The following ELMO1 variants were observed in gnomAD, a reference collection of about 807,000 sequenced individuals.
ELMO1 encodes engulfment and cell motility protein 1.
In ELMO1, 26 loss-of-function variants were observed where a neutral mutation model predicts 98.9. The ratio of observed to expected loss-of-function variants is 0.26; its 90% CI spans 0.19 to 0.36. The LOEUF is 0.36. Ranked by LOEUF, ELMO1 falls within the 10% of genes least tolerant of loss-of-function variation. ELMO1 has a pLI of 1.00. For missense variants in ELMO1, 627 were observed against 935.2 expected, an observed-to-expected ratio of 0.67 and a Z score of 4.30; for synonymous variants, 346 against 346.0, an observed-to-expected ratio of 1.00 and a Z score of 0.00.
In ELMO1 at chr7:37,091,110, T is replaced by C. The variant is rs527354970; in HGVS notation, c.1300+5509A>G. Among the ~76,000 whole-genome samples, 24 of 152,188 alleles carry C rather than the reference T, an allele frequency of 1.6e-4. 1 individual carries two copies. The highest frequency in any genetic ancestry group is 2.8e-4 in the Non-Finnish European group (19 of 68,034). Reference sequence around the variant, plus strand: ...CATCAACAATGTATTTATTTACTTATGTTTTTAGTTTTTTGAGGCAGAGTT... The same window carrying C: ...CATCAACAATGTATTTATTTACTTACGTTTTTAGTTTTTTGAGGCAGAGTT... On this transcript the variant is annotated intron_variant, in intron 15 of 21. Coordinates refer to ENST00000310758, the MANE Select transcript of ELMO1 (RefSeq NM_014800.11).
intron 2 of ELMO1, among the ~76,000 whole-genome samples, chr7:37,336,151 C>G (rs1800394649): frequency 6.6e-6 from 1 of 151,824 alleles, no homozygotes; most frequent in Non-Finnish European, 1.5e-5. Context: ...ATCTTGAGCC[C>G]AGAATTAGAG....
intron 16 of ELMO1, among the ~76,000 whole-genome samples, chr7:36,952,084 C>A (rs1425590221): frequency 1.3e-5 from 2 of 152,182 alleles, no homozygotes; most frequent in Admixed American, 6.5e-5. Flanking sequence ...ACGGAGGGGG[C>A]ATGACTGATG....
intron 16 of ELMO1, among the ~76,000 whole-genome samples, chr7:36,962,795 A>C (rs1245230211): frequency 6.7e-6 from 1 of 150,012 alleles, no homozygotes; most frequent in Non-Finnish European, 1.5e-5. Context: ...AGTTAGCATC[A>C]ATAAACAAAG....
intron 13 of ELMO1, among the ~76,000 whole-genome samples, chr7:37,195,729 G>A (rs888757242): frequency 1.3e-5 from 2 of 152,212 alleles, no homozygotes; most frequent in Non-Finnish European, 2.9e-5. Context: ...ACCTCCAGTA[G>A]ATGCCCCTGA....
At chr7:37,395,227 C>CGTA (rs1236993709) in intron 1 of ELMO1, among the ~76,000 whole-genome samples, 1 of 151,876 alleles carries the variant, frequency 6.6e-6, no homozygotes, top group Non-Finnish European at 1.5e-5. Context: ...ATTAGCTGGG[C>CGTA]GTAGTAGTGC....
At chr7:37,064,646 G>T (rs1046277354) in intron 15 of ELMO1, among the ~76,000 whole-genome samples, 22 of 152,152 alleles carry the variant, frequency 1.4e-4, no homozygotes, top group Non-Finnish European at 1.5e-5. Flanking sequence ...CTGTTATTAT[G>T]AATCTTGGTT....
chr7:36,955,798 C>T (rs1450123149), intron 16 of ELMO1, among the ~76,000 whole-genome samples: 1 of 152,190 alleles, frequency 6.6e-6, no homozygotes, highest in Non-Finnish European at 1.5e-5. Flanking sequence ...CACCCTCTAG[C>T]CCATTCCTAT....
chr7:37,361,034 G>A (rs545042066), intron 1 of ELMO1, among the ~76,000 whole-genome samples: 27 of 152,094 alleles, frequency 1.8e-4, no homozygotes, highest in African/African-American at 6.5e-4. Flanking sequence ...TAAAAACTTA[G>A]AACAACTAGA....
rs759991890 is a variant in ELMO1 at position 36,895,008 on chromosome 7, C to T, written c.1447G>A (p.Val483Met). 3 of 1,613,336 alleles carry T rather than the reference C, an allele frequency of 1.9e-6. No homozygotes were observed. Among genetic ancestry groups the T allele is most frequent in the Non-Finnish European group, 2.5e-6 (3 of 1,179,806 alleles). ...TSEDFNKVMQ[V>M]VKEQVMRALT... ...GCTCTCATAACCTGCTCCTTCACCA[C>T]CTGCATTACCTGAAGATGAAAGGAA... Residue 483 changes from valine (V) to methionine (M), a missense_variant, in exon 17 of 22, where the codon GTG (valine) becomes ATG (methionine). Val to Met is a conservative substitution (Grantham distance 21). This residue lies in a region of ELMO1 where 492 missense variants were observed against 715.6 expected (regional missense o/e 0.69). Coordinates refer to ENST00000310758, the MANE Select transcript of ELMO1 (RefSeq NM_014800.11).
intron 14 of ELMO1, among the ~76,000 whole-genome samples, chr7:37,122,535 G>C (rs145490917): frequency 6.6e-6 from 1 of 151,864 alleles, no homozygotes; most frequent in Non-Finnish European, 1.5e-5. Context: ...CAAAAGAGAC[G>C]AAGAAGGCCA....
intron 2 of ELMO1, among the ~76,000 whole-genome samples, chr7:37,317,465 C>G (rs113441570): frequency 0.25 from 37,670 of 152,060 alleles, 5,025 homozygotes; most frequent in East Asian, 0.35. Flanking sequence ...AAATGTGGAA[C>G]ATATACACAA....
chr7:37,127,699 G>C (rs1448224059), intron 14 of ELMO1, among the ~76,000 whole-genome samples: 1 of 152,138 alleles, frequency 6.6e-6, no homozygotes, highest in Non-Finnish European at 1.5e-5. Context: ...CACCCTATCT[G>C]CTAGTCATAG....
At chr7:37,135,634 C>T (rs1330735169) in intron 13 of ELMO1, among the ~76,000 whole-genome samples, 1 of 152,162 alleles carries the variant, frequency 6.6e-6, no homozygotes, top group Non-Finnish European at 1.5e-5. Flanking sequence ...AAAACAATCA[C>T]TACAGCTTGG....
chr7:37,023,202 G>A (rs894814304), intron 15 of ELMO1, among the ~76,000 whole-genome samples: 5 of 152,238 alleles, frequency 3.3e-5, no homozygotes, highest in East Asian at 3.9e-4. Context: ...GGCAGTTGGC[G>A]GTTTGGAAAT....
At chr7:37,080,273 T>C (rs1797794119) in intron 15 of ELMO1, among the ~76,000 whole-genome samples, 1 of 152,194 alleles carries the variant, frequency 6.6e-6, no homozygotes, top group African/African-American at 2.4e-5. Context: ...TCTCCCACAG[T>C]CTAATCTCAA....
intron 1 of ELMO1, among the ~76,000 whole-genome samples, chr7:37,389,881 A>C (rs1802992758): frequency 6.6e-6 from 1 of 151,944 alleles, no homozygotes; most frequent in Non-Finnish European, 1.5e-5. Flanking sequence ...TGCTCTTTGA[A>C]ACAAAAATTA....
chr7:36,979,559 T>C (rs1790871213), intron 16 of ELMO1, among the ~76,000 whole-genome samples: 1 of 152,132 alleles, frequency 6.6e-6, no homozygotes, highest in African/African-American at 2.4e-5. Context: ...CCCATCAATC[T>C]CTAAAGCTAA....
intron 1 of ELMO1, among the ~76,000 whole-genome samples, chr7:37,369,704 T>G (rs1802038883): frequency 1.4e-5 from 2 of 147,158 alleles, no homozygotes; most frequent in South Asian, 4.2e-4. Context: ...GACCAATCCA[T>G]CTACAATATA....
chr7:37,028,817 C>T (rs188532266), intron 15 of ELMO1, among the ~76,000 whole-genome samples: 125 of 152,264 alleles, frequency 8.2e-4, no homozygotes, highest in African/African-American at 2.8e-3. Context: ...TTTTAGTAAA[C>T]AAGACACCAA....
Sources: gnomAD v4.1 joint callset for allele counts (sites outside exome capture counted in the v4.1 genomes callset) on GRCh38, gnomAD v4.1.1 for gene constraint, gnomAD v4.1.1 regional missense constraint, MANE v1.5 for transcripts, NCBI Gene and HGNC (gene_info 2026-07-23, HGNC 2026-07-21) for gene names.